FCHO2: variants seen among roughly 807,000 people sequenced by gnomAD.
FCHO2 encodes the protein FCH and mu domain containing endocytic adaptor 2.
In FCHO2, 43 loss-of-function variants were observed where a neutral mutation model predicts 114.1. The ratio of observed to expected loss-of-function variants is 0.38; its 90% confidence interval spans 0.30 to 0.49. FCHO2 has a LOEUF of 0.49. Ranked by LOEUF, FCHO2 falls within the 20% of genes least tolerant of loss-of-function variation. The probability of loss-of-function intolerance (pLI) is 0.97; values close to 1 mark genes in which losing one functional copy is unlikely to be tolerated. For missense variants in FCHO2, 807 were observed against 950.4 expected (o/e 0.85, Z 1.98); for synonymous variants, 293 against 315.2 (o/e 0.93, Z 0.75).
chr5:73,021,099 C>A, intron 8 of FCHO2: 1 of 803,042 alleles, frequency 1.2e-6, no homozygotes, highest in Non-Finnish European at 2.3e-6. Context: ...TTCGGTCCCC[C>A]AGTGGGTTGA....
intron 7 of FCHO2, among the ~76,000 whole-genome samples, chr5:73,016,224 A>G (rs1047220347): frequency 5.9e-5 from 9 of 152,072 alleles, no homozygotes; most frequent in African/African-American, 2.2e-4. Context: ...CAAGGCAGGA[A>G]GATTACTTGA....
At chr5:72,966,333 T>C (rs1052905755) in intron 1 of FCHO2, among the ~76,000 whole-genome samples, 4 of 152,344 alleles carry the variant, frequency 2.6e-5, no homozygotes, top group Non-Finnish European at 4.4e-5. Flanking sequence ...TTTTTGTTTT[T>C]TTAGAGACAG....
chr5:73,012,172 A>C (rs1313782510), intron 6 of FCHO2, among the ~76,000 whole-genome samples: 4 of 152,180 alleles, frequency 2.6e-5, no homozygotes, highest in Admixed American at 2.6e-4. Context: ...CATCACCACA[A>C]ACGTGAGTAA....
intron 8 of FCHO2, among the ~76,000 whole-genome samples, chr5:73,017,719 C>T (rs542511598): frequency 2.6e-4 from 39 of 152,136 alleles, no homozygotes; most frequent in African/African-American, 8.2e-4. Context: ...TTGAGACCAA[C>T]GTAGAACCTT....
chr5:73,048,743 A>G (rs1757189213), intron 11 of FCHO2, among the ~76,000 whole-genome samples: 1 of 151,468 alleles, frequency 6.6e-6, no homozygotes, highest in Non-Finnish European at 1.5e-5. Context: ...TAGTTTTGTT[A>G]CACATTGCTG....
chr5:73,054,343 A>G (rs899912365), intron 14 of FCHO2, among the ~76,000 whole-genome samples, 172 bp downstream of exon 14: 1 of 152,106 alleles, frequency 6.6e-6, no homozygotes, highest in Non-Finnish European at 1.5e-5. Context: ...TACATGTATT[A>G]TTTTTTGCTG....
Position 72,956,111 on chromosome 5 carries a change from T to C in FCHO2, c.15T>C (p.Tyr5=). Residue 5 remains tyrosine (Y), a synonymous_variant, in exon 1 of 26, where the codon TAT becomes TAC. Transcript: ENST00000430046. ...GCGGCGGCACGATGGTCATGGCGTA[T>C]TTCGTCGAGAATTTTTGGGTAAGCT... MVMA[Y]FVENFWGEKN... 4 of 1,541,390 alleles carry C rather than the reference T, an allele frequency of 2.6e-6. No individual in the cohort carries two copies. Among genetic ancestry groups the C allele is most frequent in the Non-Finnish European group, 3.5e-6 (4 of 1,142,938 alleles).
intron 2 of FCHO2, among the ~76,000 whole-genome samples, chr5:72,970,740 T>C (rs1251516304): frequency 6.6e-6 from 1 of 152,122 alleles, no homozygotes; most frequent in African/African-American, 2.4e-5. Context: ...AGGGTACACG[T>C]GCACAATGTG....
At chr5:73,012,408 G>A (rs1178523413) in intron 6 of FCHO2, among the ~76,000 whole-genome samples, 2 of 152,038 alleles carry the variant, frequency 1.3e-5, no homozygotes, top group Non-Finnish European at 2.9e-5. Context: ...GGATCACGAG[G>A]TCAAGAGATT....
intron 1 of FCHO2, among the ~76,000 whole-genome samples, chr5:72,959,476 C>T (rs901382770): frequency 4.6e-5 from 7 of 152,156 alleles, no homozygotes; most frequent in African/African-American, 1.7e-4. Context: ...CACTGTACTC[C>T]AGCCTGGGCA....
At position 73,089,628 on chromosome 5, in the gene FCHO2, A is replaced by T. The variant is rs1252991386; in HGVS notation, c.*1538A>T. ...ATGGGAATTTCATTTATAATAATAAATATGAGTGTCCTTTATTTGCCTAGT... is the reference window on the plus strand; with the variant it reads ...ATGGGAATTTCATTTATAATAATAATTATGAGTGTCCTTTATTTGCCTAGT... On this transcript the variant is annotated 3_prime_UTR_variant, in exon 26 of 26. Transcript: ENST00000430046. 2 of 152,552 alleles carry T rather than the reference A, an allele frequency of 1.3e-5. No individual in the cohort carries two copies. The highest frequency in any genetic ancestry group is 4.8e-5 in the African/African-American group (2 of 41,456). 9.4% of individuals were successfully genotyped at this position (152,552 alleles called of 1,614,324 possible).
At chr5:73,083,405 T>C (rs746853161) in intron 24 of FCHO2, among the ~76,000 whole-genome samples, 1 of 152,238 alleles carries the variant, frequency 6.6e-6, no homozygotes, top group Non-Finnish European at 1.5e-5. Flanking sequence ...TTTATAAATA[T>C]TATGTAAATA....
chr5:73,034,617 T>C, intron 8 of FCHO2, 40 bp from the exon 9 acceptor site: 1 of 1,534,788 alleles, frequency 6.5e-7, no homozygotes, highest in Non-Finnish European at 8.8e-7. Context: ...TACCTAATAG[T>C]TTTTTTCTAC....
intron 5 of FCHO2, chr5:72,997,068 G>A: frequency 1.6e-6 from 2 of 1,288,092 alleles, no homozygotes; most frequent in Non-Finnish European, 2.3e-6. Context: ...TTATCTTCTT[G>A]TCCTGGAATC....
chr5:73,058,333 T>G, intron 16 of FCHO2, 100 bp from the exon 17 acceptor site: 19 of 792,760 alleles, frequency 2.4e-5, no homozygotes, highest in Non-Finnish European at 3.6e-5. Context: ...TTATGTATAT[T>G]GAGCTGTTAG....
At position 73,053,645 on chromosome 5, in the gene FCHO2, G is replaced by A. The variant is rs189948942; in HGVS notation, c.1174-515G>A. ...CATGAGGCGGAGGTTGAAGTGAGCC[G>A]AGATTGCACCACTGCACTCCAGCCT... On this transcript the variant is annotated intron_variant, in intron 13 of 25. Transcript: ENST00000430046. Among the ~76,000 whole-genome samples, 22 of 151,042 alleles carry A rather than the reference G, an allele frequency of 1.5e-4. 1 individual carries two copies. The highest frequency in any genetic ancestry group is 3.1e-4 in the Non-Finnish European group (21 of 67,886).
At chr5:73,083,892 CAA>C (rs765390330) in intron 24 of FCHO2, among the ~76,000 whole-genome samples, 1,023 of 79,228 alleles carry the variant, frequency 0.013, 10 homozygotes, top group African/African-American at 0.044. Context: ...GACTCTGTCT[CAA>C]AAAAAAAAAA....
At chr5:73,022,721 A>C (rs80063326) in intron 8 of FCHO2, among the ~76,000 whole-genome samples, 1 of 152,222 alleles carries the variant, frequency 6.6e-6, no homozygotes, top group East Asian at 1.9e-4. Flanking sequence ...CCATATAAAC[A>C]AGCTTAAGCA....
chr5:72,966,375 C>A (rs1752202278), intron 1 of FCHO2, among the ~76,000 whole-genome samples: 1 of 152,094 alleles, frequency 6.6e-6, no homozygotes. Context: ...GTCTTGAACA[C>A]CTGGCATCAA....
Sources: allele counts gnomAD v4.1 joint callset (sites outside exome capture counted in the v4.1 genomes callset), GRCh38; gene constraint gnomAD v4.1.1; transcripts MANE v1.5; gene names NCBI Gene and HGNC (gene_info 2026-07-23, HGNC 2026-07-21).